The following MDGA2 variants were observed in gnomAD, a reference collection of about 807,000 sequenced individuals.
MDGA2 encodes MAM domain containing glycosylphosphatidylinositol anchor 2, also known as MAM domain-containing glycosylphosphatidylinositol anchor protein 2.
A neutral mutation model predicts 117.8 loss-of-function variants in MDGA2; 40 were observed. The ratio of observed to expected loss-of-function variants is 0.34; its 90% CI spans 0.26 to 0.44. The LOEUF (loss-of-function observed/expected upper bound fraction) is 0.44. Among genes scored for constraint, MDGA2 ranks in the 20% least tolerant of loss-of-function variants. The pLI is 1.00. For missense variants in MDGA2, 1,123 were observed against 1,250.6 expected, an observed-to-expected ratio of 0.90 and a Z score of 1.54; for synonymous variants, 452 against 439.0, an observed-to-expected ratio of 1.03 and a Z score of -0.37.
intron 1 of MDGA2, among the ~76,000 whole-genome samples, chr14:47,403,625 T>G (rs1427187772): frequency 1.3e-5 from 2 of 152,134 alleles, no homozygotes; most frequent in Non-Finnish European, 2.9e-5. Flanking sequence ...TGCTAACAGT[T>G]CTTCCTGCTG....
intron 2 of MDGA2, among the ~76,000 whole-genome samples, chr14:47,253,327 A>G (rs113217720): frequency 0.1 from 15,241 of 152,230 alleles, 861 homozygotes; most frequent in Middle Eastern, 0.16. Context: ...CCTTCCTCCT[A>G]TTAGCCTGTA....
intron 12 of MDGA2, among the ~76,000 whole-genome samples, chr14:46,874,638 T>G (rs1450837180): frequency 6.6e-6 from 1 of 151,904 alleles, no homozygotes. Flanking sequence ...TTTTCATGCA[T>G]GTCTAGAGAT....
rs536923185 is a variant in MDGA2, at chr14:47,588,237, GAT to G, written c.280+86278_280+86279del. On this transcript the variant is annotated intron_variant, in intron 1 of 16. Transcript: ENST00000399232. ...TTTTCAAATCTCTTGGAGATAGATA[GAT>G]ATATATATATATATATATATATACA... Among the ~76,000 whole-genome samples the G allele has an allele frequency of 8.4e-3, 1,040 of 123,858 alleles. 15 individuals carry two copies. Among genetic ancestry groups the G allele is most frequent in the Middle Eastern group, 0.027 (6 of 220 alleles). 81.3% of individuals were successfully genotyped at this position (123,858 alleles called of 152,430 possible).
At chr14:47,126,820 C>A (rs1403265503) in intron 5 of MDGA2, among the ~76,000 whole-genome samples, 1 of 152,122 alleles carries the variant, frequency 6.6e-6, no homozygotes, top group East Asian at 1.9e-4. Context: ...AAACTTACTC[C>A]ATGGTGTAAC....
chr14:47,485,934 G>A (rs1381424913), intron 1 of MDGA2, among the ~76,000 whole-genome samples: 1 of 152,234 alleles, frequency 6.6e-6, no homozygotes, highest in Non-Finnish European at 1.5e-5. Flanking sequence ...GGCTCTCATG[G>A]AGAACCTCTG....
At chr14:47,110,696 G>T (rs557427360) in intron 5 of MDGA2, among the ~76,000 whole-genome samples, 1 of 152,168 alleles carries the variant, frequency 6.6e-6, no homozygotes, top group Admixed American at 6.5e-5. Context: ...GCCTCTGTTT[G>T]CTCTTCTAAA....
intron 2 of MDGA2, among the ~76,000 whole-genome samples, chr14:47,247,949 T>A (rs1887304344): frequency 1.3e-5 from 2 of 151,472 alleles, no homozygotes; most frequent in African/African-American, 4.8e-5. Flanking sequence ...CCAGCTTCAT[T>A]CATGTCCCTG....
intron 1 of MDGA2, among the ~76,000 whole-genome samples, chr14:47,643,347 T>C (rs1897465094): frequency 6.6e-6 from 1 of 152,080 alleles, no homozygotes; most frequent in Admixed American, 6.6e-5. Flanking sequence ...TTGTCAATCA[T>C]TTTTTAAATG....
intron 1 of MDGA2, among the ~76,000 whole-genome samples, chr14:47,388,750 G>A (rs1891817314): frequency 6.6e-6 from 1 of 152,182 alleles, no homozygotes; most frequent in African/African-American, 2.4e-5. Context: ...GGAAAGTGAT[G>A]CAGGTGCACA....
At chr14:47,256,497 A>C (rs772658818) in intron 2 of MDGA2, among the ~76,000 whole-genome samples, 4 of 152,006 alleles carry the variant, frequency 2.6e-5, no homozygotes, top group Non-Finnish European at 5.9e-5. Flanking sequence ...GTAGCAGTAC[A>C]TTTATCCAGT....
chr14:47,144,278 A>G lies in MDGA2; in HGVS notation c.596-4T>C, dbSNP rs2139202496. 2 of 1,544,720 alleles carry G rather than the reference A, an allele frequency of 1.3e-6. No homozygotes were observed. The highest frequency in any genetic ancestry group is 1.7e-6 in the Non-Finnish European group (2 of 1,143,240). ...GTTACTACTGGATCATCCAAATCTA[A>G]AGGAAATAAAAACAACCAAATGGCA... On this transcript the variant is annotated splice_polypyrimidine_tract_variant and splice_region_variant and intron_variant, in intron 3 of 16. Transcript: ENST00000399232.
chr14:47,449,927 C>G (rs1893205333), intron 1 of MDGA2, among the ~76,000 whole-genome samples: 1 of 152,014 alleles, frequency 6.6e-6, no homozygotes, highest in Non-Finnish European at 1.5e-5. Flanking sequence ...CAAATTGTTT[C>G]ATTTTTTTTG....
chr14:46,977,750 T>A (rs568232442), intron 8 of MDGA2, among the ~76,000 whole-genome samples: 12 of 151,292 alleles, frequency 7.9e-5, no homozygotes, highest in Non-Finnish European at 1.5e-4. Context: ...GTAGTAAACT[T>A]AGTAGGTATA....
chr14:47,383,812 A>G (rs988373811), intron 1 of MDGA2, among the ~76,000 whole-genome samples: 5 of 152,112 alleles, frequency 3.3e-5, no homozygotes, highest in Admixed American at 2.0e-4. Context: ...GGCGTGAACC[A>G]CCACACCCGG....
At chr14:47,400,042 A>G (rs1892101283) in intron 1 of MDGA2, among the ~76,000 whole-genome samples, 1 of 152,210 alleles carries the variant, frequency 6.6e-6, no homozygotes, top group Admixed American at 6.5e-5. Flanking sequence ...GTTTGAATGC[A>G]TAATGTTCTG....
chr14:47,030,972 T>C (rs1888643979), intron 8 of MDGA2, among the ~76,000 whole-genome samples: 1 of 152,158 alleles, frequency 6.6e-6, no homozygotes. Context: ...GTAGTGACTA[T>C]GTTACTCTTA....
chr14:47,406,097 G>C (rs1468776900), intron 1 of MDGA2, among the ~76,000 whole-genome samples: 1 of 152,046 alleles, frequency 6.6e-6, no homozygotes, highest in Non-Finnish European at 1.5e-5. Context: ...ATTCAAGAAA[G>C]GAGTTGTTCC....
intron 8 of MDGA2, among the ~76,000 whole-genome samples, chr14:46,974,831 A>G (rs1297524877): frequency 6.6e-6 from 1 of 152,182 alleles, no homozygotes; most frequent in Non-Finnish European, 1.5e-5. Context: ...GTATGACACT[A>G]AAGGCATGGA....
intron 9 of MDGA2, among the ~76,000 whole-genome samples, chr14:46,928,239 T>C (rs1884404987): frequency 6.6e-6 from 1 of 152,118 alleles, no homozygotes; most frequent in Non-Finnish European, 1.5e-5. Context: ...AAAAATTCAG[T>C]CACAAAAACA....
Sources: gnomAD v4.1 joint callset for allele counts (sites outside exome capture counted in the v4.1 genomes callset) on GRCh38, gnomAD v4.1.1 for gene constraint, MANE v1.5 for transcripts, NCBI Gene and HGNC (gene_info 2026-07-23, HGNC 2026-07-21) for gene names.